GALNT17: variants seen among roughly 807,000 people sequenced by gnomAD.
GALNT17 encodes UDP-GalNAc:polypeptide N-acetylgalactosaminyltransferase-like 3.
Under a neutral mutation model 63.7 loss-of-function variants are expected in GALNT17, and 29 were observed. The observed-to-expected ratio is 0.46, with a 90% CI of 0.34 to 0.62. The LOEUF is 0.62. Ranked by LOEUF, GALNT17 falls within the 20% of genes least tolerant of loss-of-function variation. GALNT17 has a pLI of 0.01. For missense variants in GALNT17, 603 were observed against 799.6 expected (o/e 0.75, Z 2.97); for synonymous variants, 305 against 318.3 (o/e 0.96, Z 0.45).
chr7:71,272,156 A>G (rs1049759790), intron 1 of GALNT17, among the ~76,000 whole-genome samples: 1 of 152,218 alleles, frequency 6.6e-6, no homozygotes, highest in Non-Finnish European at 1.5e-5. Flanking sequence ...TTTCACTTGA[A>G]TGATTTTGAT....
intron 1 of GALNT17, among the ~76,000 whole-genome samples, chr7:71,322,877 C>T (rs1791641661): frequency 6.6e-6 from 1 of 151,026 alleles, no homozygotes; most frequent in South Asian, 2.1e-4. Context: ...TCTTGGACTT[C>T]CCAGCCTCTA....
At chr7:71,530,918 A>T (rs1788710504) in intron 5 of GALNT17, among the ~76,000 whole-genome samples, 1 of 152,144 alleles carries the variant, frequency 6.6e-6, no homozygotes, top group African/African-American at 2.4e-5. Flanking sequence ...GCACACAATG[A>T]TCTAGGTCAG....
At chr7:71,445,600 T>G (rs1787148043) in intron 5 of GALNT17, among the ~76,000 whole-genome samples, 1 of 152,128 alleles carries the variant, frequency 6.6e-6, no homozygotes, top group Admixed American at 6.6e-5. Context: ...GTAACCACAT[T>G]TTGCACAGGG....
chr7:71,617,785 G>A (rs1790236495), intron 6 of GALNT17, among the ~76,000 whole-genome samples: 1 of 152,024 alleles, frequency 6.6e-6, no homozygotes, highest in Non-Finnish European at 1.5e-5. Context: ...TGGGACTACA[G>A]GTACTTGCCA....
At chr7:71,161,501 A>G (rs1231497010) in intron 1 of GALNT17, among the ~76,000 whole-genome samples, 1 of 149,916 alleles carries the variant, frequency 6.7e-6, no homozygotes, top group Non-Finnish European at 1.5e-5. Context: ...CCACAGACTC[A>G]TTTCTTACCT....
At chr7:71,327,395 C>T (rs1791722872) in intron 1 of GALNT17, among the ~76,000 whole-genome samples, 1 of 152,106 alleles carries the variant, frequency 6.6e-6, no homozygotes, top group Admixed American at 6.5e-5. Context: ...CTTACAAAAC[C>T]ATCAGCTCTC....
At chr7:71,686,899 C>T (rs1375377513) in intron 9 of GALNT17, among the ~76,000 whole-genome samples, 2 of 152,124 alleles carry the variant, frequency 1.3e-5, no homozygotes, top group Non-Finnish European at 2.9e-5. Context: ...AGAAATGGCC[C>T]TGGAGATTTC....
chr7:71,424,155 G>GCAAA (rs1381376528), intron 5 of GALNT17, among the ~76,000 whole-genome samples: 4 of 152,270 alleles, frequency 2.6e-5, no homozygotes, highest in African/African-American at 9.6e-5. Flanking sequence ...TATTAATAGT[G>GCAAA]TAAGGTTAAC....
chr7:71,688,503 C>G (rs916723573), intron 9 of GALNT17, among the ~76,000 whole-genome samples: 29 of 151,876 alleles, frequency 1.9e-4, no homozygotes, highest in African/African-American at 6.8e-4. Flanking sequence ...CTTTGCTTCT[C>G]TTTTCTATTT....
chr7:71,328,134 T>G (rs891836519), intron 1 of GALNT17, among the ~76,000 whole-genome samples: 1 of 152,204 alleles, frequency 6.6e-6, no homozygotes. Flanking sequence ...ATGACTGACC[T>G]TAATCTGTCC....
chr7:71,213,704 T>C (rs1789423668), intron 1 of GALNT17, among the ~76,000 whole-genome samples: 3 of 152,256 alleles, frequency 2.0e-5, no homozygotes, highest in Admixed American at 2.0e-4. Flanking sequence ...AATTAAATTC[T>C]TTTATATTGG....
chr7:71,572,251 C>G (rs1438948995), intron 6 of GALNT17, among the ~76,000 whole-genome samples: 2 of 150,968 alleles, frequency 1.3e-5, no homozygotes, highest in African/African-American at 4.9e-5. Flanking sequence ...TATATAATCC[C>G]AGGGACTTCG....
rs558446255 is a variant in GALNT17 at position 71,618,162 on chromosome 7, A to G, written c.1080+46760A>G. Among the ~76,000 whole-genome samples the G allele has an allele frequency of 3.9e-5, 6 of 152,256 alleles. No individual in the cohort carries two copies. The East Asian group carries it at 9.7e-4, about 24-fold the overall frequency. ...CAAAGGACATAATTTCATTTGTTTT[A>G]TGGCTGCCTAGTGTTCTGTGGTGTA... On this transcript the variant is annotated intron_variant, in intron 6 of 10. Coordinates refer to ENST00000333538, the MANE Select transcript of GALNT17 (RefSeq NM_022479.3).
At chr7:71,407,218 G>T (rs1293735461) in intron 3 of GALNT17, among the ~76,000 whole-genome samples, 3 of 152,132 alleles carry the variant, frequency 2.0e-5, no homozygotes, top group African/African-American at 7.2e-5. Flanking sequence ...TTATCTAAGT[G>T]TCTCACCAAA....
chr7:71,564,273 C>CTT, intron 5 of GALNT17, among the ~76,000 whole-genome samples: 1 of 78,360 alleles, frequency 1.3e-5, no homozygotes, highest in Admixed American at 1.6e-4. Flanking sequence ...TTTTTCTTTT[C>CTT]TTTTCTTTTT....
chr7:71,321,914 C>CCTTCCTTCCTTTCTTCCTTCCTTT (rs1791619491), intron 1 of GALNT17, among the ~76,000 whole-genome samples: 1 of 72,268 alleles, frequency 1.4e-5, no homozygotes, highest in Non-Finnish European at 2.9e-5. Flanking sequence ...TTCCTTCCTT[C>CCTTCCTTCCTTTCTTCCTTCCTTT]CTTCCTTCCC....
At chr7:71,596,127 C>T (rs1261992053) in intron 6 of GALNT17, among the ~76,000 whole-genome samples, 1 of 152,156 alleles carries the variant, frequency 6.6e-6, no homozygotes, top group Non-Finnish European at 1.5e-5. Flanking sequence ...CAACCTCCGC[C>T]TCCTGGGTTC....
rs181191225 is a variant in GALNT17 at position 71,290,179 on chromosome 7, C to T, written c.239-45371C>T. Among the ~76,000 whole-genome samples, 9 of 152,290 alleles carry T rather than the reference C, an allele frequency of 5.9e-5. No homozygotes were observed. The East Asian group carries it at 1.5e-3, about 26-fold the overall frequency. ...TAATTCCAGAACATTATCATCACCC[C>T]AAAAAGAAACCGTGTACCTATTAGC... On this transcript the variant is annotated intron_variant, in intron 1 of 10. Transcript: ENST00000333538.
intron 2 of GALNT17, among the ~76,000 whole-genome samples, chr7:71,374,542 G>T (rs1262573390): frequency 6.6e-6 from 1 of 152,230 alleles, no homozygotes; most frequent in African/African-American, 2.4e-5. Context: ...GTCAAAGCAA[G>T]CTATGTGGCC....
Sources: gnomAD v4.1 joint callset for allele counts (sites outside exome capture counted in the v4.1 genomes callset) on GRCh38, gnomAD v4.1.1 for gene constraint, MANE v1.5 for transcripts, NCBI Gene and HGNC (gene_info 2026-07-23, HGNC 2026-07-21) for gene names.